Variants in GPC5 observed in about 807,000 individuals in gnomAD.
GPC5 encodes glypican-5.
Under a neutral mutation model 53.9 loss-of-function variants are expected in GPC5, and 47 were observed. The observed-to-expected ratio is 0.87, with a 90% CI of 0.69 to 1.11. The LOEUF is 1.11. GPC5 is among the 50% of genes most tolerant of loss of function. The probability of loss-of-function intolerance (pLI) is 0.00; values close to 1 mark genes in which losing one functional copy is unlikely to be tolerated. For missense variants in GPC5, 748 were observed against 713.1 expected (o/e 1.05, Z -0.56); for synonymous variants, 286 against 263.3 (o/e 1.09, Z -0.84).
chr13:92,829,391 G>A (rs917637090), intron 7 of GPC5, among the ~76,000 whole-genome samples: 3 of 152,150 alleles, frequency 2.0e-5, no homozygotes, highest in Non-Finnish European at 4.4e-5. Context: ...TTATCAGAAG[G>A]TATTCAGACA....
intron 7 of GPC5, among the ~76,000 whole-genome samples, chr13:92,152,395 T>A (rs989998938): frequency 1.3e-5 from 2 of 152,162 alleles, no homozygotes; most frequent in African/African-American, 2.4e-5. Context: ...TTGTGAAGAT[T>A]AAGTGGTTTA....
intron 7 of GPC5, among the ~76,000 whole-genome samples, chr13:92,206,326 G>A (rs1475185408): frequency 2.7e-5 from 4 of 150,918 alleles, no homozygotes; most frequent in Non-Finnish European, 4.4e-5. Context: ...CACCACGCCC[G>A]GCTAATTTTT....
At chr13:91,632,261 A>C (rs1305420743) in intron 2 of GPC5, among the ~76,000 whole-genome samples, 1 of 152,170 alleles carries the variant, frequency 6.6e-6, no homozygotes, top group Non-Finnish European at 1.5e-5. Flanking sequence ...AAGATGACAC[A>C]TTTACCGTGA....
rs191299440 is a variant in GPC5, at chr13:92,374,925, G to T, written c.1561+229936G>T. ...ATTGTTGATTTTCTTGCAGTAGCAA[G>T]AATCTGTTTAGGAAGATTCTATGGG... On this transcript the variant is annotated intron_variant, in intron 7 of 7. Coordinates refer to ENST00000377067, the MANE Select transcript of GPC5 (RefSeq NM_004466.6). Among the ~76,000 whole-genome samples the T allele has an allele frequency of 3.0e-4, 46 of 151,216 alleles. No individual in the cohort carries two copies. The East Asian group carries it at 6.5e-3, about 21-fold the overall frequency.
At chr13:92,042,276 TC>T (rs1383032303) in intron 6 of GPC5, among the ~76,000 whole-genome samples, 1 of 152,146 alleles carries the variant, frequency 6.6e-6, no homozygotes, top group East Asian at 1.9e-4. Context: ...CAGAGAACCA[TC>T]AAGCTACTAG....
chr13:91,863,871 GT>G (rs2039056870), intron 5 of GPC5, among the ~76,000 whole-genome samples: 3 of 152,106 alleles, frequency 2.0e-5, no homozygotes, highest in Admixed American at 2.0e-4. Context: ...GATGTAGTTA[GT>G]TTCCATTACA....
intron 2 of GPC5, among the ~76,000 whole-genome samples, chr13:91,543,091 C>T (rs1426753907): frequency 6.6e-6 from 1 of 152,030 alleles, no homozygotes; most frequent in Non-Finnish European, 1.5e-5. Context: ...CTCCTGACCT[C>T]GTAATCGGCC....
chr13:92,299,017 G>C (rs2043057615), intron 7 of GPC5, among the ~76,000 whole-genome samples: 1 of 152,102 alleles, frequency 6.6e-6, no homozygotes, highest in Non-Finnish European at 1.5e-5. Context: ...TCTGAAATTG[G>C]AAATCTCTTA....
intron 7 of GPC5, among the ~76,000 whole-genome samples, chr13:92,203,519 G>A (rs2042310154): frequency 7.4e-6 from 1 of 134,366 alleles, no homozygotes; most frequent in Admixed American, 7.7e-5. Flanking sequence ...GATAGCATTG[G>A]GAGATATACC....
intron 1 of GPC5, among the ~76,000 whole-genome samples, chr13:91,399,477 T>C (rs891151008): frequency 6.6e-6 from 1 of 152,002 alleles, no homozygotes; most frequent in African/African-American, 2.4e-5. Flanking sequence ...GGAGGATGAG[T>C]TGGAAGGAAC....
At chr13:92,399,367 C>G (rs1489572983) in intron 7 of GPC5, among the ~76,000 whole-genome samples, 1 of 152,140 alleles carries the variant, frequency 6.6e-6, no homozygotes, top group Non-Finnish European at 1.5e-5. Flanking sequence ...ACTATCTGAT[C>G]TCATATAGAT....
intron 7 of GPC5, among the ~76,000 whole-genome samples, chr13:92,692,532 G>T (rs186171650): frequency 2.0e-3 from 265 of 130,850 alleles, no homozygotes; most frequent in Middle Eastern, 4.0e-3. Flanking sequence ...GACTGTTGTG[G>T]GGTGGGGGGA....
chr13:92,522,950 G>GA (rs1392209254), intron 7 of GPC5, among the ~76,000 whole-genome samples: 5 of 152,106 alleles, frequency 3.3e-5, no homozygotes, highest in Non-Finnish European at 7.4e-5. Context: ...ATGTTTTATG[G>GA]AAAACAATAC....
chr13:92,654,548 A>G (rs1199921763), intron 7 of GPC5, among the ~76,000 whole-genome samples: 1 of 152,198 alleles, frequency 6.6e-6, no homozygotes, highest in Non-Finnish European at 1.5e-5. Flanking sequence ...TATATTTCTA[A>G]TTTGAGAGAA....
chr13:91,766,988 T>C (rs1439901384), intron 5 of GPC5, among the ~76,000 whole-genome samples: 1 of 152,262 alleles, frequency 6.6e-6, no homozygotes, highest in Non-Finnish European at 1.5e-5. Flanking sequence ...TATTGTTAAA[T>C]AAAATATGCT....
At chr13:92,502,186 G>GAC (rs201836252) in intron 7 of GPC5, among the ~76,000 whole-genome samples, 1 of 151,906 alleles carries the variant, frequency 6.6e-6, no homozygotes, top group Admixed American at 6.6e-5. Flanking sequence ...AAAGTCACTG[G>GAC]ACACACACAC....
intron 3 of GPC5, among the ~76,000 whole-genome samples, chr13:91,708,380 C>G (rs1229255530): frequency 6.6e-6 from 1 of 151,050 alleles, no homozygotes; most frequent in Non-Finnish European, 1.5e-5. Flanking sequence ...CTAATGGCCT[C>G]CTAATTAATT....
At chr13:92,132,758 G>C (rs2041754522) in intron 6 of GPC5, among the ~76,000 whole-genome samples, 2 of 152,034 alleles carry the variant, frequency 1.3e-5, no homozygotes, top group Non-Finnish European at 2.9e-5. Flanking sequence ...AGTATTGGGG[G>C]TTAGGACATT....
chr13:92,182,313 CTT>C (rs1301639066), intron 7 of GPC5, among the ~76,000 whole-genome samples: 1 of 152,150 alleles, frequency 6.6e-6, no homozygotes, highest in Non-Finnish European at 1.5e-5. Flanking sequence ...GAAAAACTGA[CTT>C]TATCAGTAAA....
Sources: allele counts gnomAD v4.1 joint callset (sites outside exome capture counted in the v4.1 genomes callset), GRCh38; gene constraint gnomAD v4.1.1; transcripts MANE v1.5; gene names NCBI Gene and HGNC (gene_info 2026-07-23, HGNC 2026-07-21).